Variants in OPCML observed in about 807,000 individuals in gnomAD.
OPCML encodes the protein opioid-binding protein/cell adhesion molecule.
OPCML carries 13 observed loss-of-function variants against 37.8 expected under a neutral mutation model. The observed-to-expected ratio is 0.34, with a 90% confidence interval of 0.22 to 0.55. The LOEUF is 0.55. OPCML is among the 20% of genes least tolerant of loss of function. The pLI, the probability that OPCML is intolerant of heterozygous loss-of-function variation, is 0.91. For missense variants in OPCML, 341 were observed against 435.6 expected, an observed-to-expected ratio of 0.78 and a Z score of 1.93; for synonymous variants, 176 against 168.8, an observed-to-expected ratio of 1.04 and a Z score of -0.33.
intron 1 of OPCML, among the ~76,000 whole-genome samples, chr11:133,283,731 T>C (rs1393037462): frequency 6.6e-6 from 1 of 152,066 alleles, no homozygotes; most frequent in African/African-American, 2.4e-5. Context: ...AATTTTAAAA[T>C]AGAAGTTGGG....
intron 2 of OPCML, among the ~76,000 whole-genome samples, chr11:132,659,708 G>T (rs945515347): frequency 1.4e-5 from 2 of 146,574 alleles, no homozygotes; most frequent in African/African-American, 5.2e-5. Context: ...AAATTCCTGT[G>T]TGTGTGTGTG....
intron 1 of OPCML, among the ~76,000 whole-genome samples, chr11:133,244,669 A>G (rs2136419066): frequency 6.8e-6 from 1 of 147,250 alleles, no homozygotes; most frequent in Admixed American, 6.9e-5. Flanking sequence ...TGACAATTTA[A>G]ATGTGTGTGG....
intron 7 of OPCML, among the ~76,000 whole-genome samples, chr11:132,429,056 G>A (rs2095987593): frequency 6.6e-6 from 1 of 152,018 alleles, no homozygotes; most frequent in Non-Finnish European, 1.5e-5. Flanking sequence ...TGGATGGATG[G>A]ATGGATGGAT....
chr11:132,887,912 C>T (rs1943485200), intron 2 of OPCML, among the ~76,000 whole-genome samples: 1 of 152,178 alleles, frequency 6.6e-6, no homozygotes, highest in Non-Finnish European at 1.5e-5. Flanking sequence ...GGGATTTATA[C>T]ATAGCATAGG....
intron 4 of OPCML, among the ~76,000 whole-genome samples, chr11:132,486,888 C>A (rs2096201594): frequency 1.3e-5 from 2 of 152,172 alleles, no homozygotes; most frequent in African/African-American, 2.4e-5. Context: ...GTAACTCATT[C>A]TTTTCTTATT....
At chr11:132,574,712 C>T (rs750451118) in intron 3 of OPCML, among the ~76,000 whole-genome samples, 5 of 151,966 alleles carry the variant, frequency 3.3e-5, no homozygotes, top group Middle Eastern at 3.4e-3. Flanking sequence ...TATCTGTGTG[C>T]ATTTGGGATG....
At chr11:133,345,455 G>A (rs1222484230) in intron 1 of OPCML, among the ~76,000 whole-genome samples, 1 of 152,168 alleles carries the variant, frequency 6.6e-6, no homozygotes, top group African/African-American at 2.4e-5. Flanking sequence ...CCTTTGTACT[G>A]AATAATCTTA....
chr11:132,886,203 T>C (rs1943408672), intron 2 of OPCML, among the ~76,000 whole-genome samples: 1 of 152,330 alleles, frequency 6.6e-6, no homozygotes, highest in African/African-American at 2.4e-5. Flanking sequence ...TAAGCATTTA[T>C]TATTTCTATT....
At chr11:132,899,310 T>C (rs1943965066) in intron 2 of OPCML, among the ~76,000 whole-genome samples, 2 of 152,214 alleles carry the variant, frequency 1.3e-5, no homozygotes, top group South Asian at 4.1e-4. Context: ...TATATACATG[T>C]TATAAATATG....
chr11:132,553,154 G>A (rs73034686), intron 3 of OPCML, among the ~76,000 whole-genome samples: 23,371 of 152,134 alleles, frequency 0.15, 2,342 homozygotes, highest in East Asian at 0.51. Flanking sequence ...TTACCCAAAT[G>A]ACAGCCCTGA....
intron 3 of OPCML, among the ~76,000 whole-genome samples, chr11:132,561,627 C>G (rs1296972433): frequency 6.6e-6 from 1 of 152,190 alleles, no homozygotes; most frequent in Non-Finnish European, 1.5e-5. Flanking sequence ...GGCTGCTGCT[C>G]CAATCCACTG....
At chr11:132,987,387 C>T (rs1409165589) in intron 1 of OPCML, among the ~76,000 whole-genome samples, 1 of 152,068 alleles carries the variant, frequency 6.6e-6, no homozygotes. Flanking sequence ...TCTGCGTGTA[C>T]CTGGGGCAGC....
chr11:132,868,716 G>T (rs1388111216), intron 2 of OPCML, among the ~76,000 whole-genome samples: 2 of 152,124 alleles, frequency 1.3e-5, no homozygotes, highest in African/African-American at 2.4e-5. Context: ...GAACAGAGGG[G>T]CTGGGACTGC....
chr11:133,167,140 A>G (rs1950218484), intron 1 of OPCML, among the ~76,000 whole-genome samples: 1 of 152,190 alleles, frequency 6.6e-6, no homozygotes, highest in African/African-American at 2.4e-5. Flanking sequence ...GAGAGGATTC[A>G]GAGTTGGTGG....
rs765416360 is a variant in OPCML, at chr11:133,307,849, G to GT, written c.61+224414dup. ...TATTTATGCTTTCTCTTGTTTCCAA[G>GT]TTTTTTTTTTTTAAATTTTACCTCC... On this transcript the variant is annotated intron_variant, in intron 1 of 7. Coordinates refer to ENST00000524381, the MANE Select transcript of OPCML (RefSeq NM_001012393.5). 3.0e-3 allele frequency among the ~76,000 whole-genome samples: 436 copies of GT among 145,712 alleles called. 2 individuals are homozygous for GT. Among genetic ancestry groups the GT allele is most frequent in the South Asian group, 0.01 (46 of 4,570 alleles).
intron 2 of OPCML, among the ~76,000 whole-genome samples, chr11:132,815,918 G>A (rs1424015961): frequency 6.6e-6 from 1 of 152,208 alleles, no homozygotes; most frequent in African/African-American, 2.4e-5. Flanking sequence ...GCACAAGGAA[G>A]ATAAGATGGG....
chr11:132,560,094 G>A (rs2096407317), intron 3 of OPCML, among the ~76,000 whole-genome samples: 1 of 152,072 alleles, frequency 6.6e-6, no homozygotes, highest in Non-Finnish European at 1.5e-5. Flanking sequence ...TGCCTATTGT[G>A]GGAAATGTTA....
At chr11:132,605,845 A>G (rs572365282) in intron 3 of OPCML, among the ~76,000 whole-genome samples, 3 of 152,338 alleles carry the variant, frequency 2.0e-5, no homozygotes, top group Admixed American at 6.5e-5. Context: ...CTCAATATAC[A>G]TTGACTGAAT....
intron 1 of OPCML, among the ~76,000 whole-genome samples, chr11:133,457,037 C>G (rs1318763931): frequency 6.6e-6 from 1 of 151,914 alleles, no homozygotes; most frequent in East Asian, 1.9e-4. Flanking sequence ...ATTAACCAAC[C>G]CAAAGAGACC....
Sources: gnomAD v4.1 joint callset for allele counts (sites outside exome capture counted in the v4.1 genomes callset) on GRCh38, gnomAD v4.1.1 for gene constraint, MANE v1.5 for transcripts, NCBI Gene and HGNC (gene_info 2026-07-23, HGNC 2026-07-21) for gene names.